TP63: variants seen among roughly 807,000 people sequenced by gnomAD.
TP63 encodes the protein tumor protein 63.
TP63 carries 17 observed loss-of-function variants against 82.8 expected under a neutral mutation model. The observed-to-expected ratio is 0.21, with a 90% CI of 0.14 to 0.31. TP63 has a LOEUF of 0.31. Among genes scored for constraint, TP63 ranks in the 10% least tolerant of loss-of-function variants. TP63 has a pLI of 1.00. For synonymous variants in TP63, 330 were observed against 321.7 expected (o/e 1.03, Z -0.28); for missense variants, 648 against 895.3 (o/e 0.72, Z 3.52).
chr3:189,859,305 G>A (rs1347123630), intron 4 of TP63, among the ~76,000 whole-genome samples: 1 of 151,868 alleles, frequency 6.6e-6, no homozygotes, highest in Non-Finnish European at 1.5e-5. Flanking sequence ...TTACAAAGGG[G>A]GAGAACACAG....
In TP63 at chr3:189,645,633, T is replaced by TAGGAAATAAATGGAGAATTTAATAG. The variant is rs1202522274; in HGVS notation, c.62+14056_62+14057insAGGAAATAAATGGAGAATTTAATAG. 4.7e-3 allele frequency among the ~76,000 whole-genome samples: 691 copies of TAGGAAATAAATGGAGAATTTAATAG among 148,086 alleles called. 5 individuals carry two copies. The highest frequency in any genetic ancestry group is 0.014 in the East Asian group (59 of 4,316). On this transcript the variant is annotated intron_variant, in intron 1 of 13. Coordinates refer to ENST00000264731, the MANE Select transcript of TP63 (RefSeq NM_003722.5). ...AACTTGTCATTTAGCGTTAGGTATA[T>TAGGAAATAAATGGAGAATTTAATAG]CTCCTAATGCTATCCCTCCCCACTC...
chr3:189,676,629 A>G (rs1715422492), intron 1 of TP63, among the ~76,000 whole-genome samples: 1 of 151,866 alleles, frequency 6.6e-6, no homozygotes, highest in South Asian at 2.1e-4. Context: ...CACGTGGTAC[A>G]GTTGTGTTAC....
chr3:189,893,470 G>C, intron 13 of TP63, among the ~76,000 whole-genome samples: 1 of 152,210 alleles, frequency 6.6e-6, no homozygotes. Flanking sequence ...ATAAATGTAA[G>C]TGATATCACC....
At chr3:189,779,224 T>A (rs146794802) in intron 3 of TP63, among the ~76,000 whole-genome samples, 156 of 152,366 alleles carry the variant, frequency 1.0e-3, no homozygotes, top group African/African-American at 3.6e-3. Context: ...TCCTCGAGTA[T>A]TTTTTAATCC....
chr3:189,727,154 G>A (rs943688377), intron 1 of TP63, among the ~76,000 whole-genome samples: 26 of 152,200 alleles, frequency 1.7e-4, no homozygotes, highest in Non-Finnish European at 1.0e-4. Flanking sequence ...TTAGGAAAGT[G>A]GATTAAGGTC....
At chr3:189,830,895 A>G (rs1712230446) in intron 4 of TP63, among the ~76,000 whole-genome samples, 1 of 152,252 alleles carries the variant, frequency 6.6e-6, no homozygotes, top group Admixed American at 6.5e-5. Context: ...TATAAGGTCT[A>G]GGGCAATTTA....
At chr3:189,667,845 A>G (rs1714537001) in intron 1 of TP63, among the ~76,000 whole-genome samples, 1 of 152,118 alleles carries the variant, frequency 6.6e-6, no homozygotes, top group Non-Finnish European at 1.5e-5. Context: ...CTCTGTTCCA[A>G]CTTCTTAACC....
rs557540794 is a variant in TP63, at chr3:189,892,433, T to C, written c.1746+1551T>C. Among the ~76,000 whole-genome samples, 15 of 152,288 alleles carry C rather than the reference T, an allele frequency of 9.8e-5. No individual in the cohort carries two copies. In the South Asian group the frequency reaches 3.1e-3, roughly 32 times the overall value. On this transcript the variant is annotated intron_variant, in intron 13 of 13. Coordinates refer to ENST00000264731, the MANE Select transcript of TP63 (RefSeq NM_003722.5). ...CATCATGACAATGAACAGAGTCTAA[T>C]TTACAAAGAGCTTTGCATTTACTGA...
intron 4 of TP63, chr3:189,844,073 A>T: frequency 5.1e-6 from 1 of 194,688 alleles, no homozygotes. Context: ...CCTACTTTTT[A>T]TTTTTGGTAG....
At chr3:189,831,818 CTTTTTTTTTTTT>C (rs1156431272) in intron 4 of TP63, among the ~76,000 whole-genome samples, 1 of 73,170 alleles carries the variant, frequency 1.4e-5, no homozygotes, top group Admixed American at 1.5e-4. Flanking sequence ...CTATTATGCT[CTTTTTTTTTTTT>C]TTTTTTTTTT....
At chr3:189,740,109 T>C (rs1024284060) in intron 3 of TP63, among the ~76,000 whole-genome samples, 10 of 152,188 alleles carry the variant, frequency 6.6e-5, no homozygotes, top group African/African-American at 2.4e-4. Flanking sequence ...GTCACTAATT[T>C]GATTAGAGAA....
intron 3 of TP63, among the ~76,000 whole-genome samples, chr3:189,749,783 A>T (rs917212848): frequency 1.3e-5 from 2 of 152,150 alleles, no homozygotes; most frequent in African/African-American, 4.8e-5. Flanking sequence ...TAATAAAGAA[A>T]TAAAATTTGG....
In TP63 at chr3:189,896,383, GA is replaced by G. The variant is rs1258033824; in HGVS notation, c.*1883del. 23 of 200,080 alleles carry G rather than the reference GA, an allele frequency of 1.1e-4. No homozygotes were observed. The highest frequency in any genetic ancestry group is 1.8e-4 in the Non-Finnish European group (17 of 97,048). The allele number at this position is 200,080 out of a possible 1,614,324, so 12.4% of individuals were successfully genotyped here. On this transcript the variant is annotated 3_prime_UTR_variant, in exon 14 of 14. Transcript: ENST00000264731. ...TTTTCATGAAAATACCATTTAGTAA[GA>G]ATACCACATCAAATAAGAAATAATG...
intron 3 of TP63, among the ~76,000 whole-genome samples, chr3:189,792,949 T>A (rs1056641584): frequency 1.3e-5 from 2 of 152,082 alleles, no homozygotes; most frequent in Non-Finnish European, 2.9e-5. Flanking sequence ...TTAAAAGATA[T>A]GGGTGTGAGT....
intron 1 of TP63, among the ~76,000 whole-genome samples, chr3:189,677,867 C>T (rs1305669095): frequency 6.6e-6 from 1 of 151,862 alleles, no homozygotes; most frequent in African/African-American, 2.4e-5. Context: ...AGTATTTTTT[C>T]GCATATGTTT....
chr3:189,743,940 C>T (rs1721184857), intron 3 of TP63, among the ~76,000 whole-genome samples: 1 of 152,140 alleles, frequency 6.6e-6, no homozygotes, highest in South Asian at 2.1e-4. Context: ...ACATAAGGAG[C>T]TGAAGACTAC....
At chr3:189,873,111 A>G (rs1718640388) in intron 10 of TP63, 116 bp downstream of exon 10, 4 of 1,516,208 alleles carry the variant, frequency 2.6e-6, no homozygotes, top group East Asian at 2.3e-5. Context: ...AGATTGTCAT[A>G]GATTCAGATG....
At chr3:189,771,738 G>A (rs1723396541) in intron 3 of TP63, among the ~76,000 whole-genome samples, 2 of 151,860 alleles carry the variant, frequency 1.3e-5, no homozygotes, top group Admixed American at 1.3e-4. Flanking sequence ...TGAGATCTTG[G>A]CTCTCATTTG....
At chr3:189,738,350 A>G (rs1041029649) in intron 2 of TP63, among the ~76,000 whole-genome samples, 2 of 152,238 alleles carry the variant, frequency 1.3e-5, no homozygotes, top group Non-Finnish European at 2.9e-5. Flanking sequence ...GGAATCGAGT[A>G]TAAAATACTC....
Sources: allele counts gnomAD v4.1 joint callset (sites outside exome capture counted in the v4.1 genomes callset), GRCh38; gene constraint gnomAD v4.1.1; transcripts MANE v1.5; gene names NCBI Gene and HGNC (gene_info 2026-07-23, HGNC 2026-07-21).